Variants in KCNC2 observed in about 807,000 individuals in gnomAD.
The protein encoded by KCNC2 is potassium voltage-gated channel subfamily C member 2, also known as voltage-gated potassium channel KCNC2.
KCNC2 carries 21 observed loss-of-function variants against 44.5 expected under a neutral mutation model. The observed-to-expected ratio is 0.47, with a 90% CI of 0.33 to 0.68. The LOEUF is 0.68. Among genes scored for constraint, KCNC2 ranks in the 30% least tolerant of loss-of-function variants. The pLI, the probability that KCNC2 is intolerant of heterozygous loss-of-function variation, is 0.01. For missense variants in KCNC2, 589 were observed against 826.2 expected (o/e 0.71, Z 3.52); for synonymous variants, 391 against 339.1 (o/e 1.15, Z -1.68).
At chr12:75,183,709 C>A (rs1285489348) in intron 2 of KCNC2, among the ~76,000 whole-genome samples, 1 of 152,128 alleles carries the variant, frequency 6.6e-6, no homozygotes, top group Non-Finnish European at 1.5e-5. Flanking sequence ...AAATATGGAG[C>A]AAGTTTCCTC....
intron 2 of KCNC2, among the ~76,000 whole-genome samples, chr12:75,161,911 T>C (rs1187706897): frequency 6.6e-6 from 1 of 151,808 alleles, no homozygotes. Flanking sequence ...GGAAGAAAGA[T>C]GCTCTCAGTA....
intron 2 of KCNC2, among the ~76,000 whole-genome samples, chr12:75,165,574 T>C (rs762965390): frequency 4.6e-5 from 7 of 151,526 alleles, no homozygotes; most frequent in Non-Finnish European, 1.0e-4. Context: ...CAAATTCACA[T>C]GTACATATTT....
At chr12:75,169,600 A>G (rs1458606) in intron 2 of KCNC2, among the ~76,000 whole-genome samples, 31,206 of 151,502 alleles carry the variant, frequency 0.21, 3,667 homozygotes, top group African/African-American at 0.3. Context: ...ATAATGTCCT[A>G]TGTATTCTAT....
intron 2 of KCNC2, among the ~76,000 whole-genome samples, chr12:75,056,115 C>T (rs1390866537): frequency 6.6e-6 from 1 of 151,992 alleles, no homozygotes; most frequent in Non-Finnish European, 1.5e-5. Context: ...ATTCTATCCC[C>T]AGGACCATGA....
chr12:75,186,112 A>T (rs1355129675), intron 2 of KCNC2, among the ~76,000 whole-genome samples: 1 of 151,598 alleles, frequency 6.6e-6, no homozygotes, highest in Non-Finnish European at 1.5e-5. Flanking sequence ...ATTGTAATTA[A>T]ATAAAGAAAA....
At chr12:75,084,458 A>G (rs1438955447) in intron 2 of KCNC2, among the ~76,000 whole-genome samples, 1 of 151,942 alleles carries the variant, frequency 6.6e-6, no homozygotes, top group African/African-American at 2.4e-5. Context: ...CATGGGGGTC[A>G]GTCTTTCTGG....
intron 2 of KCNC2, among the ~76,000 whole-genome samples, chr12:75,172,741 T>C (rs758112439): frequency 7.2e-5 from 11 of 151,896 alleles, no homozygotes; most frequent in Non-Finnish European, 1.6e-4. Context: ...CTTAAGTGAA[T>C]ATGCCTCAAC....
intron 2 of KCNC2, among the ~76,000 whole-genome samples, chr12:75,202,923 T>C (rs1038002140): frequency 8.6e-5 from 13 of 151,672 alleles, no homozygotes; most frequent in Admixed American, 7.2e-4. Flanking sequence ...GGTGAGCTCA[T>C]TGAAGGCAAA....
intron 4 of KCNC2, chr12:75,043,501 T>A: frequency 7.9e-7 from 1 of 1,258,648 alleles, no homozygotes; most frequent in Non-Finnish European, 1.0e-6. Context: ...TAGTTAGCAT[T>A]AATATAATTT....
At chr12:75,186,814 C>A (rs1179266528) in intron 2 of KCNC2, among the ~76,000 whole-genome samples, 1 of 152,160 alleles carries the variant, frequency 6.6e-6, no homozygotes, top group African/African-American at 2.4e-5. Context: ...TCAAAACTCT[C>A]AAATGTTGTC....
At position 75,120,901 on chromosome 12, in the gene KCNC2, G is replaced by A. The variant is rs190467956; in HGVS notation, c.688-69584C>T. Reference sequence around the variant, plus strand: ...GAGCTCTGAGTATGAATCAACAAAAGACTTAACCCTATACATTTTTTAATA... The same window carrying A: ...GAGCTCTGAGTATGAATCAACAAAAAACTTAACCCTATACATTTTTTAATA... On this transcript the variant is annotated intron_variant, in intron 2 of 4. Transcript: ENST00000549446. 8.6e-3 allele frequency among the ~76,000 whole-genome samples: 1,310 copies of A among 152,200 alleles called. 16 individuals are homozygous for A. Among genetic ancestry groups the A allele is most frequent in the African/African-American group, 0.03 (1,233 of 41,526 alleles).
chr12:75,106,337 T>C (rs1886781201), intron 2 of KCNC2, among the ~76,000 whole-genome samples: 1 of 152,116 alleles, frequency 6.6e-6, no homozygotes, highest in African/African-American at 2.4e-5. Context: ...TGAAAAGTTT[T>C]TTCTGTACAA....
intron 2 of KCNC2, among the ~76,000 whole-genome samples, chr12:75,055,686 C>T (rs868050686): frequency 9.2e-5 from 14 of 151,902 alleles, no homozygotes; most frequent in Non-Finnish European, 1.0e-4. Flanking sequence ...CATTTTTCTC[C>T]GTTAGTCATG....
intron 2 of KCNC2, among the ~76,000 whole-genome samples, chr12:75,184,780 G>A (rs1892821340): frequency 6.6e-6 from 1 of 152,180 alleles, no homozygotes; most frequent in Non-Finnish European, 1.5e-5. Flanking sequence ...AGTTCTGTAT[G>A]ATGCATTGAC....
chr12:75,078,052 G>A (rs1398391528), intron 2 of KCNC2, among the ~76,000 whole-genome samples: 2 of 151,978 alleles, frequency 1.3e-5, no homozygotes, highest in Non-Finnish European at 2.9e-5. Context: ...TGTGCTTTGT[G>A]TTATTACTCT....
chr12:75,124,645 C>T (rs1235840671), intron 2 of KCNC2, among the ~76,000 whole-genome samples: 2 of 152,078 alleles, frequency 1.3e-5, no homozygotes, highest in African/African-American at 2.4e-5. Flanking sequence ...AATGTGCTAC[C>T]AGACTCATAA....
At position 75,050,759 on chromosome 12, in the gene KCNC2, T is replaced by C. The variant is rs1881082602; in HGVS notation, c.1246A>G (p.Ser416Gly). Residue 416 changes from serine to glycine, a missense_variant, in exon 3 of 5, where the codon AGT (serine) becomes GGT (glycine). Ser to Gly is a moderately conservative substitution (Grantham distance 56). Coordinates refer to ENST00000549446, the MANE Select transcript of KCNC2 (RefSeq NM_139137.4). The stretch of plus-strand genomic sequence containing the variant: ...ATGTTTTTGAACTGTGTGTGCTCAC[T>C]AGCTGAAGGGTCGTTAGGTTGAGCT... Reference protein sequence around the residue: ...VGAQPNDPSASEHTQFKNIPI... With the variant: ...VGAQPNDPSAGEHTQFKNIPI... The C allele has an allele frequency of 2.5e-6, 4 of 1,613,388 alleles. No individual in the cohort carries two copies. The highest frequency in any genetic ancestry group is 1.7e-6 in the Non-Finnish European group (2 of 1,179,852).
intron 2 of KCNC2, among the ~76,000 whole-genome samples, chr12:75,202,018 A>T (rs74447786): frequency 6.6e-6 from 1 of 151,918 alleles, no homozygotes; most frequent in Non-Finnish European, 1.5e-5. Flanking sequence ...CATTTACTTT[A>T]TTTGTCATAG....
At chr12:75,086,675 AAAAAAAAT>A (rs71078714) in intron 2 of KCNC2, among the ~76,000 whole-genome samples, 33,155 of 74,500 alleles carry the variant, frequency 0.45, 4,564 homozygotes, top group Middle Eastern at 0.51. Context: ...AAAAAAAAAA[AAAAAAAAT>A]ATATATATAT....
Sources: allele counts gnomAD v4.1 joint callset (sites outside exome capture counted in the v4.1 genomes callset), GRCh38; gene constraint gnomAD v4.1.1; transcripts MANE v1.5; gene names NCBI Gene and HGNC (gene_info 2026-07-23, HGNC 2026-07-21).